The following TEC variants were observed in gnomAD, a reference collection of about 807,000 sequenced individuals.
TEC encodes tyrosine-protein kinase Tec.
In TEC, 72 loss-of-function variants were observed where a neutral mutation model predicts 93.0. The observed-to-expected ratio is 0.77, with a 90% CI of 0.64 to 0.94. The LOEUF (loss-of-function observed/expected upper bound fraction) is 0.94, where lower values mean the gene tolerates loss of function less well. Ranked by LOEUF, TEC falls within the 40% of genes least tolerant of loss-of-function variation. TEC has a pLI of 0.00. For missense variants in TEC, 630 were observed against 757.9 expected (o/e 0.83, Z 1.98); for synonymous variants, 249 against 247.7 (o/e 1.01, Z -0.05).
chr4:48,248,749 C>T (rs2704395), intron 1 of TEC, among the ~76,000 whole-genome samples: 117,996 of 152,132 alleles, frequency 0.78, 46,637 homozygotes, highest in African/African-American at 0.93. Flanking sequence ...AAGAGAGCAC[C>T]AGGTTCACAC....
intron 9 of TEC, among the ~76,000 whole-genome samples, chr4:48,154,470 T>C (rs1271591121): frequency 6.6e-6 from 1 of 152,210 alleles, no homozygotes; most frequent in Admixed American, 6.5e-5. Context: ...AGTTAGTGTA[T>C]GTAATTAAAA....
intron 11 of TEC, among the ~76,000 whole-genome samples, chr4:48,146,667 T>A (rs545589570): frequency 6.6e-6 from 1 of 152,324 alleles, no homozygotes; most frequent in South Asian, 2.1e-4. Flanking sequence ...TATTTCGTGT[T>A]CTTTTCCAAT....
intron 2 of TEC, among the ~76,000 whole-genome samples, chr4:48,221,138 G>C (rs1342635785): frequency 6.6e-6 from 1 of 152,244 alleles, no homozygotes; most frequent in Non-Finnish European, 1.5e-5. Context: ...GATACACAGG[G>C]TGAGGTCCAG....
At chr4:48,154,142 C>T (rs953943901) in intron 9 of TEC, among the ~76,000 whole-genome samples, 1 of 152,162 alleles carries the variant, frequency 6.6e-6, no homozygotes, top group Admixed American at 6.6e-5. Flanking sequence ...AAGGTTTGCT[C>T]CTGTGTGCCT....
chr4:48,265,374 G>GATATATATATATCTATAT (rs1724605772), intron 1 of TEC, among the ~76,000 whole-genome samples: 1 of 145,270 alleles, frequency 6.9e-6, no homozygotes. Flanking sequence ...CAATGAGATA[G>GATATATATATATCTATAT]ATATATATAT....
At chr4:48,184,730 TG>T (rs1410976006) in intron 2 of TEC, among the ~76,000 whole-genome samples, 2 of 149,954 alleles carry the variant, frequency 1.3e-5, no homozygotes, top group Non-Finnish European at 3.0e-5. Context: ...ACTGCTGAAA[TG>T]GCATGTTTAG....
intron 1 of TEC, among the ~76,000 whole-genome samples, chr4:48,232,173 C>T (rs1723664915): frequency 1.3e-5 from 2 of 151,968 alleles, no homozygotes; most frequent in South Asian, 4.1e-4. Context: ...CCTGTAGTCC[C>T]AGCTACTTGG....
At chr4:48,191,769 G>C (rs1685630917) in intron 2 of TEC, among the ~76,000 whole-genome samples, 1 of 152,062 alleles carries the variant, frequency 6.6e-6, no homozygotes, top group African/African-American at 2.4e-5. Context: ...GCAAGACTCT[G>C]TTTCTACAAA....
intron 2 of TEC, among the ~76,000 whole-genome samples, chr4:48,181,450 G>A (rs12108537): frequency 0.16 from 23,780 of 151,698 alleles, 2,127 homozygotes; most frequent in East Asian, 0.35. Flanking sequence ...CAAGGAGGGT[G>A]TATCATGAGG....
intron 1 of TEC, among the ~76,000 whole-genome samples, chr4:48,261,118 A>T (rs1724486870): frequency 6.6e-6 from 1 of 152,210 alleles, no homozygotes; most frequent in African/African-American, 2.4e-5. Context: ...AGCCTAAAAA[A>T]TGTCTTCTGG....
At chr4:48,205,257 G>A (rs1416262168) in intron 2 of TEC, among the ~76,000 whole-genome samples, 3 of 152,162 alleles carry the variant, frequency 2.0e-5, no homozygotes, top group Admixed American at 6.5e-5. Context: ...ATAGCAGGCA[G>A]CCTCAGTGAG....
intron 2 of TEC, among the ~76,000 whole-genome samples, chr4:48,199,388 C>T: frequency 6.6e-6 from 1 of 151,184 alleles, no homozygotes; most frequent in African/African-American, 2.4e-5. Flanking sequence ...TTTCCTTGAA[C>T]CTGGATTCCA....
rs376918312 is a variant in TEC at position 48,268,870 on chromosome 4, T to C, written c.-46+882A>G. Reference sequence around the variant, plus strand: ...AAGATCAATCTTTCGAATCAAATATTCCAGTTTCCAAAGAATAGCAATGGA... The same window carrying C: ...AAGATCAATCTTTCGAATCAAATATCCCAGTTTCCAAAGAATAGCAATGGA... On this transcript the variant is annotated intron_variant, in intron 1 of 17. Transcript: ENST00000381501. Among the ~76,000 whole-genome samples, 4 of 152,318 alleles carry C rather than the reference T, an allele frequency of 2.6e-5. No individual in the cohort carries two copies. In the East Asian group the frequency reaches 7.7e-4, roughly 29 times the overall value.
At chr4:48,257,342 T>C (rs1189547667) in intron 1 of TEC, among the ~76,000 whole-genome samples, 2 of 152,194 alleles carry the variant, frequency 1.3e-5, no homozygotes, top group Admixed American at 6.5e-5. Context: ...GTCTATATAG[T>C]TAAGGGGCTT....
intron 1 of TEC, among the ~76,000 whole-genome samples, chr4:48,237,890 T>C (rs1723828332): frequency 6.6e-6 from 1 of 152,194 alleles, no homozygotes; most frequent in South Asian, 2.1e-4. Flanking sequence ...TTTAGGAAAT[T>C]TGTGCAAATA....
At chr4:48,152,931 A>G (rs1429841380) in intron 9 of TEC, among the ~76,000 whole-genome samples, 2 of 152,202 alleles carry the variant, frequency 1.3e-5, no homozygotes, top group Non-Finnish European at 2.9e-5. Context: ...AACTAAATAG[A>G]ATACTAAATC....
intron 10 of TEC, among the ~76,000 whole-genome samples, chr4:48,150,275 T>G (rs908800958): frequency 6.6e-6 from 1 of 152,190 alleles, no homozygotes; most frequent in Non-Finnish European, 1.5e-5. Context: ...TACTTTTCAG[T>G]GCCTTGAACT....
At chr4:48,164,817 C>G (rs1720814865) in intron 7 of TEC, among the ~76,000 whole-genome samples, 1 of 152,144 alleles carries the variant, frequency 6.6e-6, no homozygotes. Flanking sequence ...GCCTGGCCAA[C>G]ATGGCGAAAC....
chr4:48,231,225 G>A (rs1577659842), intron 1 of TEC, among the ~76,000 whole-genome samples: 2 of 152,166 alleles, frequency 1.3e-5, no homozygotes, highest in Admixed American at 6.5e-5. Context: ...AGTGTCTACA[G>A]TAGCCTCTCA....
Sources: gnomAD v4.1 joint callset for allele counts (sites outside exome capture counted in the v4.1 genomes callset) on GRCh38, gnomAD v4.1.1 for gene constraint, MANE v1.5 for transcripts, NCBI Gene and HGNC (gene_info 2026-07-23, HGNC 2026-07-21) for gene names.